ABCC8: variants seen among roughly 807,000 people sequenced by gnomAD.
The protein encoded by ABCC8 is ATP binding cassette subfamily C member 8.
In ABCC8, 137 loss-of-function variants were observed where a neutral mutation model predicts 188.0. The observed-to-expected ratio is 0.73, with a 90% CI of 0.63 to 0.84. ABCC8 has a LOEUF of 0.84. ABCC8 is among the 40% of genes least tolerant of loss of function. The probability of loss-of-function intolerance (pLI) is 0.00; values close to 1 mark genes in which losing one functional copy is unlikely to be tolerated. For synonymous variants in ABCC8, 797 were observed against 846.5 expected (o/e 0.94, Z 1.01); for missense variants, 1,750 against 2,072.7 (o/e 0.84, Z 3.02).
At position 17,415,392 on chromosome 11, in the gene ABCC8, C is replaced by T. The variant is rs1955023307; in HGVS notation, c.2256-53G>A. The T allele has an allele frequency of 2.5e-6, 4 of 1,589,276 alleles. No individual in the cohort carries two copies. In the Admixed American group the frequency reaches 7.2e-5, roughly 29 times the overall value. On this transcript the variant is annotated intron_variant, in intron 17 of 38. Transcript: ENST00000389817. Reference sequence around the variant, plus strand: ...AGCTCTCATGGGAGTGAACCATATCCTCCAGGAAGATCCTGAGCTCCCTCC... The same window carrying T: ...AGCTCTCATGGGAGTGAACCATATCTTCCAGGAAGATCCTGAGCTCCCTCC...
At position 17,412,666 on chromosome 11, in the gene ABCC8, C is replaced by T; in HGVS notation, c.2556G>A (p.Leu852=). 3 of 1,610,862 alleles carry T rather than the reference C, an allele frequency of 1.9e-6. No individual in the cohort carries two copies. The highest frequency in any genetic ancestry group is 1.7e-6 in the Non-Finnish European group (2 of 1,178,516). Residue 852 remains leucine, a splice_region_variant and synonymous_variant, in exon 21 of 39, where the codon TTG becomes TTA. Coordinates refer to ENST00000389817, the MANE Select transcript of ABCC8 (RefSeq NM_000352.6). ...ALYQHANVVF[L]DDPFSALDIH... Reference sequence around the variant, plus strand: ...GGACCCCAAGGGAACTTGCACTCACCAAGAAGACAACGTTGGCGTGCTGGT... The same window carrying T: ...GGACCCCAAGGGAACTTGCACTCACTAAGAAGACAACGTTGGCGTGCTGGT...
chr11:17,464,122 C>T (rs1193022577), intron 3 of ABCC8, among the ~76,000 whole-genome samples: 2 of 152,202 alleles, frequency 1.3e-5, no homozygotes, highest in African/African-American at 4.8e-5. Context: ...AAGCTCCATG[C>T]TATAATGACT....
Position 17,397,048 on chromosome 11 carries a change from T to C in ABCC8, c.3989-2A>G, listed in dbSNP as rs781079319. 1 of 1,614,138 alleles carries C rather than the reference T, an allele frequency of 6.2e-7. No homozygotes were observed. Among genetic ancestry groups the C allele is most frequent in the Non-Finnish European group, 8.5e-7 (1 of 1,179,994 alleles). On this transcript the variant is annotated splice_acceptor_variant, in intron 32 of 38. Transcript: ENST00000389817. LOFTEE classifies it high-confidence loss of function. ...AGTTCTTTGGGATCAGCGATGGTGC[T>C]GGGGGCCGGGCTGGGCTCAGCCACC...
intron 20 of ABCC8, chr11:17,413,127 G>T (rs1270021472): frequency 1.6e-6 from 1 of 626,334 alleles, no homozygotes; most frequent in Non-Finnish European, 2.7e-6. Flanking sequence ...TGAGCACAGT[G>T]CTGTGTGGGC....
rs1317881086 is a variant in ABCC8, at chr11:17,406,903, G to A, written c.3147C>T (p.Asn1049=). 6.2e-7 allele frequency: 1 copy of A among 1,614,120 alleles called. No individual in the cohort carries two copies. Among genetic ancestry groups the A allele is most frequent in the Non-Finnish European group, 8.5e-7 (1 of 1,180,030 alleles). Residue 1049 remains asparagine (N), a synonymous_variant, in exon 25 of 39, where the codon AAC becomes AAT. Coordinates refer to ENST00000389817, the MANE Select transcript of ABCC8 (RefSeq NM_000352.6). ...CCAGTCACACCTGGCTGAGGGAGCA[G>A]TTCCTGGCTGCAGGGGTCAGGGTCA... The part of the protein sequence containing the change: ...SALTLTPAAR[N]CSLSQECTLD...
intron 16 of ABCC8, among the ~76,000 whole-genome samples, chr11:17,425,235 T>A (rs1162017899): frequency 1.3e-5 from 2 of 152,140 alleles, no homozygotes; most frequent in Admixed American, 1.3e-4. Flanking sequence ...CAGTCCCTGA[T>A]GGGAGGTGAT....
chr11:17,410,433 G>C (rs1462727375), intron 22 of ABCC8, 83 bp downstream of exon 22: 2 of 1,480,814 alleles, frequency 1.4e-6, no homozygotes, highest in Non-Finnish European at 1.9e-6. Context: ...TTGCTACCAA[G>C]ACAACGGATT....
intron 5 of ABCC8, 138 bp downstream of exon 5, chr11:17,461,445 G>T: frequency 8.7e-7 from 1 of 1,148,628 alleles, no homozygotes; most frequent in Non-Finnish European, 1.3e-6. Flanking sequence ...TGTGACTTAA[G>T]GCAAGCTTCT....
At chr11:17,461,554 A>G (rs760320793) in intron 5 of ABCC8, 29 bp downstream of exon 5, 1 of 1,613,890 alleles carries the variant, frequency 6.2e-7, no homozygotes, top group Non-Finnish European at 8.5e-7. Context: ...AAGGCAGTGA[A>G]TAGATGGTGT....
intron 20 of ABCC8, among the ~76,000 whole-genome samples, chr11:17,413,130 G>A (rs1166713395): frequency 6.6e-6 from 1 of 152,168 alleles, no homozygotes; most frequent in Non-Finnish European, 1.5e-5. Flanking sequence ...GCACAGTGCT[G>A]TGTGGGCTCT....
At chr11:17,410,300 G>A in intron 22 of ABCC8, 3 of 569,240 alleles carry the variant, frequency 5.3e-6, no homozygotes, top group Non-Finnish European at 9.4e-6. Flanking sequence ...CCCGGGCCAG[G>A]ATGGGGAGTG....
At chr11:17,410,246 T>C in intron 22 of ABCC8, 1 of 462,236 alleles carries the variant, frequency 2.2e-6, no homozygotes, top group Non-Finnish European at 4.0e-6. Flanking sequence ...CACTTGATTA[T>C]TCCTGAGACT....
intron 1 of ABCC8, 71 bp downstream of exon 1, chr11:17,476,558 C>A (rs780606897): frequency 4.5e-6 from 7 of 1,550,846 alleles, no homozygotes; most frequent in African/African-American, 1.4e-5. Context: ...CCGAGCGGTG[C>A]GGCGCGCAGC....
chr11:17,449,019 C>T (rs186979154), intron 7 of ABCC8, among the ~76,000 whole-genome samples: 396 of 152,232 alleles, frequency 2.6e-3, no homozygotes, highest in African/African-American at 8.9e-3. Flanking sequence ...CTCCACCTTC[C>T]GGGTTCAAGC....
At chr11:17,453,060 T>C (rs995239330) in intron 7 of ABCC8, 59 bp downstream of exon 7, 1 of 1,412,802 alleles carries the variant, frequency 7.1e-7, no homozygotes, top group African/African-American at 1.4e-5. Flanking sequence ...ATAACACTCA[T>C]GGACATTATT....
chr11:17,469,052 T>TCCCC (rs1171470112), intron 3 of ABCC8, among the ~76,000 whole-genome samples: 1 of 10,952 alleles, frequency 9.1e-5, no homozygotes, highest in Non-Finnish European at 2.3e-4. Context: ...TTCTTCTCCC[T>TCCCC]CCCTCCTCCC....
At chr11:17,437,771 G>A (rs1011898686) in intron 10 of ABCC8, among the ~76,000 whole-genome samples, 3 of 152,198 alleles carry the variant, frequency 2.0e-5, no homozygotes, top group Non-Finnish European at 4.4e-5. Flanking sequence ...AGCCCACTGT[G>A]GCTGCACCAA....
At position 17,397,022 on chromosome 11, in the gene ABCC8, C is replaced by T; in HGVS notation, c.4013G>A (p.Trp1338Ter). 6.2e-7 allele frequency: 1 copy of T among 1,614,174 alleles called. No homozygotes were observed. The highest frequency in any genetic ancestry group is 8.5e-7 in the Non-Finnish European group (1 of 1,180,020). ...GATCTGGATCTTCCCTTGGTCTGGC[C>T]AGTTCTTTGGGATCAGCGATGGTGC... Reference protein sequence around the residue: ...LLAPSLIPKNWPDQGKIQIQN... With the variant: ...LLAPSLIPKN Residue 1338 changes from tryptophan to a stop codon, truncating the protein, a stop_gained, in exon 33 of 39, where the codon TGG (tryptophan) becomes TAG (stop). Transcript: ENST00000389817. LOFTEE classifies it high-confidence loss of function.
chr11:17,448,455 C>G, intron 8 of ABCC8, 61 bp downstream of exon 8: 1 of 1,477,888 alleles, frequency 6.8e-7, no homozygotes, highest in Non-Finnish European at 9.5e-7. Context: ...TGGCCATGGA[C>G]CAGCAGATTC....
Sources: gnomAD v4.1 joint callset for allele counts (sites outside exome capture counted in the v4.1 genomes callset) on GRCh38, gnomAD v4.1.1 for gene constraint, MANE v1.5 for transcripts, NCBI Gene and HGNC (gene_info 2026-07-23, HGNC 2026-07-21) for gene names.